SNX30: variants seen among roughly 807,000 people sequenced by gnomAD.
The protein encoded by SNX30 is sorting nexin-30.
SNX30 carries 24 observed loss-of-function variants against 46.4 expected under a neutral mutation model. That is an observed-to-expected ratio of 0.52 (90% CI 0.37 to 0.73). SNX30 has a LOEUF of 0.73. SNX30 is among the 30% of genes least tolerant of loss of function. SNX30 has a pLI of 0.00. For missense variants in SNX30, 533 were observed against 555.7 expected (o/e 0.96, Z 0.41); for synonymous variants, 189 against 211.5 (o/e 0.89, Z 0.92).
At chr9:112,878,385 T>TTG (rs1841540452), downstream of SNX30, 2 of 152,268 alleles carry the variant, frequency 1.3e-5, no homozygotes, top group African/African-American at 4.8e-5. Context: ...TCCTTCTGCC[T>TTG]GGAATGTCCC....
chr9:112,761,970 G>A (rs1179438767), intron 1 of SNX30, among the ~76,000 whole-genome samples: 6 of 152,156 alleles, frequency 3.9e-5, no homozygotes, highest in Non-Finnish European at 7.3e-5. Flanking sequence ...GGATGTCATC[G>A]CAGTTTGAAA....
chr9:112,834,774 T>C (rs887878568), intron 4 of SNX30, among the ~76,000 whole-genome samples: 1 of 148,980 alleles, frequency 6.7e-6, no homozygotes, highest in African/African-American at 2.5e-5. Flanking sequence ...AACATTATAG[T>C]GAAAAGACTG....
chr9:112,857,119 G>A (rs551657615), intron 7 of SNX30, among the ~76,000 whole-genome samples: 8 of 152,208 alleles, frequency 5.3e-5, no homozygotes, highest in Non-Finnish European at 1.0e-4. Flanking sequence ...GAGAGTGCGT[G>A]TGGCCTTCCC....
chr9:112,793,312 C>T (rs1317041581), intron 1 of SNX30, among the ~76,000 whole-genome samples: 2 of 152,232 alleles, frequency 1.3e-5, no homozygotes, highest in African/African-American at 4.8e-5. Context: ...TTGTTGGACA[C>T]ACCCCAGGGC....
At chr9:112,811,713 C>T (rs367838896) in intron 2 of SNX30, among the ~76,000 whole-genome samples, 16 of 152,192 alleles carry the variant, frequency 1.1e-4, no homozygotes, top group African/African-American at 2.2e-4. Context: ...CATGTGCGCC[C>T]GTGACCTTGT....
chr9:112,817,353 GA>G (rs1266535211), intron 2 of SNX30, among the ~76,000 whole-genome samples: 29 of 139,540 alleles, frequency 2.1e-4, no homozygotes, highest in Admixed American at 2.0e-3. Flanking sequence ...AATTCTGGGG[GA>G]TAGTTGAATT....
At chr9:112,782,380 G>T (rs570690386) in intron 1 of SNX30, among the ~76,000 whole-genome samples, 2 of 152,098 alleles carry the variant, frequency 1.3e-5, no homozygotes, top group African/African-American at 4.8e-5. Context: ...AGTTTTATTA[G>T]AACATAACCA....
At chr9:112,779,893 G>A (rs568760794) in intron 1 of SNX30, among the ~76,000 whole-genome samples, 114 of 152,266 alleles carry the variant, frequency 7.5e-4, no homozygotes, top group African/African-American at 2.6e-3. Context: ...CTGAGGGGAC[G>A]TGGGGAATCT....
chr9:112,829,957 A>G (rs1223644566), intron 3 of SNX30, among the ~76,000 whole-genome samples: 1 of 152,198 alleles, frequency 6.6e-6, no homozygotes, highest in Non-Finnish European at 1.5e-5. Context: ...AATATTTCAT[A>G]GCTCAAATAT....
At chr9:112,759,997 C>CATTTCTTTCTACATTTTGGCCT (rs1320033761) in intron 1 of SNX30, among the ~76,000 whole-genome samples, 1 of 152,144 alleles carries the variant, frequency 6.6e-6, no homozygotes, top group Non-Finnish European at 1.5e-5. Context: ...GTACTCTCCA[C>CATTTCTTTCTACATTTTGGCCT]ATTTCTTTCT....
intron 4 of SNX30, among the ~76,000 whole-genome samples, chr9:112,835,690 T>A (rs1564286106): frequency 1.3e-5 from 2 of 152,140 alleles, no homozygotes; most frequent in Admixed American, 6.5e-5. Context: ...CTTCAAGAAA[T>A]CCAGGGTTAA....
chr9:112,852,876 G>A (rs983629255), intron 7 of SNX30, among the ~76,000 whole-genome samples: 2 of 152,178 alleles, frequency 1.3e-5, no homozygotes, highest in African/African-American at 4.8e-5. Context: ...GGTTCCTGCC[G>A]CTGCCGCCAT....
intron 3 of SNX30, 24 bp from the exon 4 acceptor site, chr9:112,830,701 G>GT (rs1234198599): frequency 1.9e-6 from 3 of 1,597,578 alleles, no homozygotes; most frequent in Admixed American, 3.6e-5. Context: ...AATTACTCTG[G>GT]TTTTTTTCTT....
intron 2 of SNX30, 27 bp downstream of exon 2, chr9:112,804,994 G>C (rs377272058): frequency 2.0e-6 from 3 of 1,530,368 alleles, no homozygotes; most frequent in African/African-American, 1.4e-5. Flanking sequence ...TAGAATGCCC[G>C]TGTTGAGTGG....
intron 6 of SNX30, among the ~76,000 whole-genome samples, chr9:112,841,896 A>G (rs1189571973): frequency 6.6e-6 from 1 of 152,106 alleles, no homozygotes; most frequent in Admixed American, 6.5e-5. Context: ...GCTGTGCAGT[A>G]TGGAAACTAA....
chr9:112,789,872 T>G (rs894462485), intron 1 of SNX30, among the ~76,000 whole-genome samples: 4 of 152,224 alleles, frequency 2.6e-5, no homozygotes, highest in Non-Finnish European at 5.9e-5. Context: ...AAAAACATTT[T>G]CAGTTTCTAA....
At chr9:112,813,248 A>T (rs1172541230) in intron 2 of SNX30, among the ~76,000 whole-genome samples, 1 of 152,134 alleles carries the variant, frequency 6.6e-6, no homozygotes, top group Non-Finnish European at 1.5e-5. Flanking sequence ...GGATTGCTTA[A>T]GGTCAGGAGT....
intron 4 of SNX30, among the ~76,000 whole-genome samples, chr9:112,835,438 TG>T (rs199825332): frequency 0.012 from 1,834 of 152,164 alleles, 36 homozygotes; most frequent in African/African-American, 0.041. Flanking sequence ...CCTGAGTAGC[TG>T]GGACTACAGG....
intron 5 of SNX30, among the ~76,000 whole-genome samples, chr9:112,836,790 GA>G (rs1474480475): frequency 1.3e-5 from 2 of 152,212 alleles, no homozygotes; most frequent in Non-Finnish European, 2.9e-5. Flanking sequence ...AGATGGTTCA[GA>G]AAGATAGCAT....
Sources: gnomAD v4.1 joint callset for allele counts (sites outside exome capture counted in the v4.1 genomes callset) on GRCh38, gnomAD v4.1.1 for gene constraint, MANE v1.5 for transcripts, NCBI Gene and HGNC (gene_info 2026-07-23, HGNC 2026-07-21) for gene names.